Variants in TAF4B observed in about 807,000 individuals in gnomAD.
The protein encoded by TAF4B is TATA-box binding protein associated factor 4b, also known as transcription initiation factor TFIID subunit 4B.
TAF4B carries 38 observed loss-of-function variants against 86.4 expected under a neutral mutation model. The ratio of observed to expected loss-of-function variants is 0.44; its 90% CI spans 0.34 to 0.58. The LOEUF is 0.58. TAF4B is among the 20% of genes least tolerant of loss of function. The pLI, the probability that TAF4B is intolerant of heterozygous loss-of-function variation, is 0.02. For synonymous variants in TAF4B, 388 were observed against 391.2 expected, an observed-to-expected ratio of 0.99 and a Z score of 0.10; for missense variants, 988 against 1,027.6, an observed-to-expected ratio of 0.96 and a Z score of 0.53.
chr18:26,254,433 T>C (rs2056052348), intron 1 of TAF4B, among the ~76,000 whole-genome samples: 1 of 152,162 alleles, frequency 6.6e-6, no homozygotes. Context: ...AGACACCCAT[T>C]CTACACAGAT....
At chr18:26,279,681 A>G (rs1476428411) in intron 5 of TAF4B, among the ~76,000 whole-genome samples, 3 of 152,208 alleles carry the variant, frequency 2.0e-5, no homozygotes, top group South Asian at 4.1e-4. Context: ...ATTGAACAGA[A>G]TAGAGAACCC....
chr18:26,252,274 G>T (rs562302972), intron 1 of TAF4B, among the ~76,000 whole-genome samples: 1 of 152,188 alleles, frequency 6.6e-6, no homozygotes, highest in East Asian at 1.9e-4. Flanking sequence ...TGGTGCTATT[G>T]TGAATAGAAT....
chr18:26,339,949 T>C (rs567100211), intron 13 of TAF4B, among the ~76,000 whole-genome samples: 1 of 152,354 alleles, frequency 6.6e-6, no homozygotes, highest in East Asian at 1.9e-4. Context: ...TTTACTTTCT[T>C]TTTACCAATT....
chr18:26,249,843 C>T (rs560487101), intron 1 of TAF4B, among the ~76,000 whole-genome samples: 113 of 152,282 alleles, frequency 7.4e-4, no homozygotes, highest in Non-Finnish European at 1.3e-3. Context: ...CTGCCCCAGC[C>T]TCCTAAGTAG....
chr18:26,243,978 G>T (rs2055882577), intron 1 of TAF4B, among the ~76,000 whole-genome samples: 1 of 152,200 alleles, frequency 6.6e-6, no homozygotes, highest in Non-Finnish European at 1.5e-5. Context: ...GCTGTATGAG[G>T]TGTCAGTTGG....
In TAF4B at chr18:26,226,781, C is replaced by T; in HGVS notation, c.-153C>T. Reference sequence around the variant, plus strand: ...CGCGTGTCCTGCCGTGCAGCGGGCGCCCGTCACTGACTTCGCTGCTGCGGC... The same window carrying T: ...CGCGTGTCCTGCCGTGCAGCGGGCGTCCGTCACTGACTTCGCTGCTGCGGC... On this transcript the variant is annotated 5_prime_UTR_variant, in exon 1 of 15. Coordinates refer to ENST00000269142, the MANE Select transcript of TAF4B (RefSeq NM_005640.3). The T allele has an allele frequency of 5.5e-6, 3 of 549,790 alleles. No individual in the cohort carries two copies. Among genetic ancestry groups the T allele is most frequent in the Non-Finnish European group, 8.6e-6 (3 of 347,134 alleles). 34.1% of individuals were successfully genotyped at this position (549,790 alleles called of 1,614,324 possible). A position where few individuals can be genotyped will look rare whatever the true frequency, so the allele number is the denominator to read the frequency against.
intron 1 of TAF4B, among the ~76,000 whole-genome samples, chr18:26,228,681 T>G (rs536031763): frequency 6.6e-6 from 1 of 151,220 alleles, no homozygotes; most frequent in East Asian, 1.9e-4. Flanking sequence ...GAGAATCGCT[T>G]GAACCCGGGA....
intron 13 of TAF4B, among the ~76,000 whole-genome samples, chr18:26,336,322 C>T (rs998299528): frequency 6.6e-6 from 1 of 152,134 alleles, no homozygotes; most frequent in African/African-American, 2.4e-5. Context: ...AACATTGCTG[C>T]AGTTGGCTCC....
At chr18:26,241,588 A>G (rs1199166916) in intron 1 of TAF4B, among the ~76,000 whole-genome samples, 1 of 151,954 alleles carries the variant, frequency 6.6e-6, no homozygotes, top group Non-Finnish European at 1.5e-5. Context: ...TATCTCCTTC[A>G]GTTCTGCTCT....
Position 26,227,097 on chromosome 18 carries a change from A to T in TAF4B, c.164A>T (p.Glu55Val), listed in dbSNP as rs370628700. 1 of 1,611,404 alleles carries T rather than the reference A, an allele frequency of 6.2e-7. No individual in the cohort carries two copies. The highest frequency in any genetic ancestry group is 1.3e-5 in the African/African-American group (1 of 74,650). The change falls in exon 1 of 15, where the codon GAG (glutamate) becomes GTG (valine). Residue 55 changes from glutamate to valine, a missense_variant. By Grantham distance (121) the Glu-to-Val change is moderately radical (BLOSUM62 -2). Around this residue, in one of 3 missense-constraint regions of TAF4B, gnomAD observed 747 missense variants for 737.9 expected, o/e 1.01. Coordinates refer to ENST00000269142, the MANE Select transcript of TAF4B (RefSeq NM_005640.3). ...VTKAPVSVCV[E>V]PTASQPLRSP... ...AAGGCTCCTGTCAGCGTCTGCGTGG[A>T]GCCCACGGCGTCCCAGCCCCTGCGG...
chr18:26,297,617 G>A (rs1281597709), intron 9 of TAF4B, among the ~76,000 whole-genome samples: 1 of 152,082 alleles, frequency 6.6e-6, no homozygotes, highest in Non-Finnish European at 1.5e-5. Flanking sequence ...GCTTCTTTTG[G>A]TAGCATAATG....
chr18:26,353,166 A>G (rs1433911466), intron 13 of TAF4B, among the ~76,000 whole-genome samples: 1 of 152,200 alleles, frequency 6.6e-6, no homozygotes, highest in Non-Finnish European at 1.5e-5. Flanking sequence ...AGATATAAAC[A>G]TCCCAAACAA....
At chr18:26,242,541 T>C (rs1219566769) in intron 1 of TAF4B, among the ~76,000 whole-genome samples, 12 of 151,890 alleles carry the variant, frequency 7.9e-5, no homozygotes, top group African/African-American at 2.7e-4. Flanking sequence ...TTTATCCAGT[T>C]TGCCAGTCTG....
At chr18:26,333,178 A>G (rs1166306346) in intron 12 of TAF4B, among the ~76,000 whole-genome samples, 1 of 150,822 alleles carries the variant, frequency 6.6e-6, no homozygotes, top group Non-Finnish European at 1.5e-5. Context: ...TTTTGTTTTT[A>G]ATTTAATTTT....
At chr18:26,278,132 A>G (rs1055784349) in intron 5 of TAF4B, among the ~76,000 whole-genome samples, 1 of 152,178 alleles carries the variant, frequency 6.6e-6, no homozygotes, top group Non-Finnish European at 1.5e-5. Flanking sequence ...ACTCAATTAC[A>G]GTGCTTTTCC....
chr18:26,336,967 G>C (rs1047614068), intron 13 of TAF4B, among the ~76,000 whole-genome samples: 2 of 152,144 alleles, frequency 1.3e-5, no homozygotes, highest in African/African-American at 4.8e-5. Flanking sequence ...AATTCCGTAA[G>C]GGATGAATAG....
intron 3 of TAF4B, among the ~76,000 whole-genome samples, chr18:26,268,109 T>C (rs960472359): frequency 2.0e-5 from 3 of 152,176 alleles, no homozygotes; most frequent in Admixed American, 6.5e-5. Flanking sequence ...ATGTGGACTT[T>C]CCTGGGAAAG....
At chr18:26,335,709 T>C (rs1164347499) in intron 13 of TAF4B, among the ~76,000 whole-genome samples, 1 of 152,212 alleles carries the variant, frequency 6.6e-6, no homozygotes, top group Non-Finnish European at 1.5e-5. Context: ...AATGGAGCCC[T>C]TGTTTCACAC....
intron 9 of TAF4B, among the ~76,000 whole-genome samples, chr18:26,293,942 T>C (rs531181138): frequency 6.6e-6 from 1 of 152,284 alleles, no homozygotes; most frequent in Non-Finnish European, 1.5e-5. Context: ...TCAACATGTT[T>C]TTTAGAGCAT....
Sources: gnomAD v4.1 joint callset for allele counts (sites outside exome capture counted in the v4.1 genomes callset) on GRCh38, gnomAD v4.1.1 for gene constraint, gnomAD v4.1.1 regional missense constraint, MANE v1.5 for transcripts, NCBI Gene and HGNC (gene_info 2026-07-23, HGNC 2026-07-21) for gene names.